TTC28: variants seen among roughly 807,000 people sequenced by gnomAD.
The protein encoded by TTC28 is tetratricopeptide repeat protein 28.
TTC28 carries 61 observed loss-of-function variants against 198.0 expected under a neutral mutation model. The observed-to-expected ratio is 0.31, with a 90% CI of 0.25 to 0.38. TTC28 has a LOEUF of 0.38. Among genes scored for constraint, TTC28 ranks in the 10% least tolerant of loss-of-function variants. The pLI is 1.00. For synonymous variants in TTC28, 1,171 were observed against 1,297.8 expected (o/e 0.90, Z 2.10); for missense variants, 2,678 against 3,164.0 (o/e 0.85, Z 3.69).
intron 2 of TTC28, among the ~76,000 whole-genome samples, chr22:28,432,186 T>C (rs567811427): frequency 2.3e-3 from 342 of 151,590 alleles, no homozygotes; most frequent in Middle Eastern, 6.9e-3. Context: ...CTCGGGAGGC[T>C]GAGGCAGAAG....
intron 5 of TTC28, among the ~76,000 whole-genome samples, chr22:28,254,940 G>A (rs1930790726): frequency 1.3e-5 from 2 of 152,148 alleles, no homozygotes; most frequent in South Asian, 4.1e-4. Context: ...CTTCTGTATA[G>A]GAACACTGTA....
chr22:28,507,488 A>C (rs1236947810), intron 2 of TTC28, among the ~76,000 whole-genome samples: 2 of 152,220 alleles, frequency 1.3e-5, no homozygotes, highest in Non-Finnish European at 2.9e-5. Context: ...ACATACTTCA[A>C]AATATCATCC....
intron 14 of TTC28, among the ~76,000 whole-genome samples, chr22:28,011,251 C>G (rs2146575397): frequency 6.6e-6 from 1 of 152,280 alleles, no homozygotes; most frequent in Middle Eastern, 3.4e-3. Flanking sequence ...GTGTAGTAGT[C>G]AGCATGTAGC....
At chr22:28,570,304 C>T (rs2050040366) in intron 2 of TTC28, among the ~76,000 whole-genome samples, 1 of 152,102 alleles carries the variant, frequency 6.6e-6, no homozygotes, top group Non-Finnish European at 1.5e-5. Context: ...ATGGAATCAA[C>T]CTAGATGCCC....
In TTC28 at chr22:27,979,264, G is replaced by A. The variant is rs1054687289; in HGVS notation, c.*2957C>T. The A allele has an allele frequency of 1.3e-5, 2 of 152,178 alleles. No homozygotes were observed. Among genetic ancestry groups the A allele is most frequent in the Non-Finnish European group, 2.9e-5 (2 of 68,054 alleles). The allele number at this position is 152,178 out of a possible 1,614,324, so 9.4% of individuals were successfully genotyped here. A position where few individuals can be genotyped will look rare whatever the true frequency, so the allele number is the denominator to read the frequency against. On this transcript the variant is annotated 3_prime_UTR_variant, in exon 23 of 23. Coordinates refer to ENST00000397906, the MANE Select transcript of TTC28 (RefSeq NM_001145418.2). ...GGAGGCCAAGGCGGGCGGATCCCCT[G>A]AGGTCAGGAGTTCGAGACCAGCCTG...
intron 5 of TTC28, among the ~76,000 whole-genome samples, chr22:28,237,325 C>T (rs1929325998): frequency 6.6e-6 from 1 of 152,164 alleles, no homozygotes; most frequent in African/African-American, 2.4e-5. Flanking sequence ...TAGAATAGTA[C>T]TGGTTACATT....
chr22:28,474,314 A>T (rs1477576880), intron 2 of TTC28, among the ~76,000 whole-genome samples: 1 of 152,212 alleles, frequency 6.6e-6, no homozygotes, highest in Non-Finnish European at 1.5e-5. Flanking sequence ...CAATGTATTT[A>T]TATGTATATC....
intron 2 of TTC28, among the ~76,000 whole-genome samples, chr22:28,446,459 T>C (rs5997367): frequency 0.041 from 6,189 of 152,192 alleles, 156 homozygotes; most frequent in African/African-American, 0.058. Context: ...TGGGGCCTGG[T>C]GGGAGGTTCG....
intron 5 of TTC28, among the ~76,000 whole-genome samples, chr22:28,177,297 CAAT>C (rs1343529123): frequency 3.3e-5 from 5 of 152,242 alleles, no homozygotes; most frequent in East Asian, 3.9e-4. Context: ...ACTAAAACAA[CAAT>C]GAGATACCAC....
intron 5 of TTC28, among the ~76,000 whole-genome samples, chr22:28,243,761 A>C (rs1929873098): frequency 1.3e-5 from 2 of 152,156 alleles, no homozygotes; most frequent in South Asian, 4.1e-4. Flanking sequence ...CAAGCAGGCA[A>C]AAGGTAAAAG....
chr22:28,461,441 T>C (rs567742751), intron 2 of TTC28, among the ~76,000 whole-genome samples: 3 of 152,144 alleles, frequency 2.0e-5, no homozygotes, highest in African/African-American at 7.2e-5. Context: ...TCTTCAGTTT[T>C]TTTTTTTTCT....
At chr22:28,236,533 A>G (rs1929261357) in intron 5 of TTC28, among the ~76,000 whole-genome samples, 1 of 152,172 alleles carries the variant, frequency 6.6e-6, no homozygotes, top group Non-Finnish European at 1.5e-5. Flanking sequence ...GCATACAGTG[A>G]CAAACAGATA....
chr22:28,622,916 G>A (rs1320926918), intron 2 of TTC28, among the ~76,000 whole-genome samples: 1 of 152,018 alleles, frequency 6.6e-6, no homozygotes, highest in African/African-American at 2.4e-5. Flanking sequence ...CTGCCTCCCG[G>A]GTTCAAGCGA....
At chr22:28,637,407 C>A (rs1362163265) in intron 1 of TTC28, among the ~76,000 whole-genome samples, 1 of 152,128 alleles carries the variant, frequency 6.6e-6, no homozygotes, top group East Asian at 1.9e-4. Flanking sequence ...CCAGTTTTCC[C>A]AGGACCATAT....
At chr22:28,593,046 TG>T (rs1331624182) in intron 2 of TTC28, among the ~76,000 whole-genome samples, 2 of 151,950 alleles carry the variant, frequency 1.3e-5, no homozygotes, top group Non-Finnish European at 2.9e-5. Flanking sequence ...TCTCTGAAGG[TG>T]GCTGGAGGCA....
intron 2 of TTC28, among the ~76,000 whole-genome samples, chr22:28,475,173 GAAAGA>G (rs1473243228): frequency 8.3e-6 from 1 of 121,082 alleles, no homozygotes. Context: ...AAAAAAAAAA[GAAAGA>G]AAAGAAAAGA....
At chr22:28,087,474 A>C in intron 12 of TTC28, among the ~76,000 whole-genome samples, 1 of 152,208 alleles carries the variant, frequency 6.6e-6, no homozygotes, top group Non-Finnish European at 1.5e-5. Flanking sequence ...CTTCATGCTA[A>C]AAAGTCTCAA....
chr22:28,572,406 T>G (rs1218673443), intron 2 of TTC28, among the ~76,000 whole-genome samples: 2 of 152,172 alleles, frequency 1.3e-5, no homozygotes, highest in East Asian at 3.8e-4. Flanking sequence ...ATATAAATGT[T>G]GAAATTACAT....
At chr22:28,017,189 C>A (rs944923903) in intron 13 of TTC28, among the ~76,000 whole-genome samples, 19 of 152,162 alleles carry the variant, frequency 1.2e-4, no homozygotes, top group African/African-American at 4.3e-4. Flanking sequence ...AGGCCTGGGG[C>A]AGGAGGGCAG....
Sources: gnomAD v4.1 joint callset for allele counts (sites outside exome capture counted in the v4.1 genomes callset) on GRCh38, gnomAD v4.1.1 for gene constraint, MANE v1.5 for transcripts, NCBI Gene and HGNC (gene_info 2026-07-23, HGNC 2026-07-21) for gene names.